The following TEX9 variants were observed in gnomAD, a reference collection of about 807,000 sequenced individuals.
The protein encoded by TEX9 is testis-expressed protein 9.
In TEX9, 74 loss-of-function variants were observed where a neutral mutation model predicts 59.6. The ratio of observed to expected loss-of-function variants is 1.24; its 90% CI spans 1.03 to 1.51. The LOEUF (loss-of-function observed/expected upper bound fraction) is 1.51. TEX9 is among the 40% of genes most tolerant of loss of function. The pLI is 0.00. For synonymous variants in TEX9, 186 were observed against 152.2 expected, an observed-to-expected ratio of 1.22 and a Z score of -1.64; for missense variants, 522 against 447.8, an observed-to-expected ratio of 1.17 and a Z score of -1.49.
chr15:56,251,537 A>G (rs2044017561), intron 1 of TEX9, among the ~76,000 whole-genome samples: 1 of 152,202 alleles, frequency 6.6e-6, no homozygotes, highest in East Asian at 1.9e-4. Context: ...GAGAGTATGA[A>G]TATGATAAGG....
At chr15:56,301,838 G>T (rs2045366526) in intron 1 of TEX9, among the ~76,000 whole-genome samples, 1 of 152,110 alleles carries the variant, frequency 6.6e-6, no homozygotes, top group Non-Finnish European at 1.5e-5. Flanking sequence ...TGAGCAATAA[G>T]AAATCATTAA....
intron 1 of TEX9, among the ~76,000 whole-genome samples, chr15:56,300,323 C>T (rs1224320651): frequency 6.6e-6 from 1 of 151,818 alleles, no homozygotes; most frequent in African/African-American, 2.4e-5. Flanking sequence ...TGTTTTGTGG[C>T]TTGGGTGCCA....
At chr15:56,320,768 T>C (rs539451032) in intron 1 of TEX9, among the ~76,000 whole-genome samples, 1 of 152,204 alleles carries the variant, frequency 6.6e-6, no homozygotes, top group Non-Finnish European at 1.5e-5. Context: ...GCTATGATAA[T>C]TACACCTTAT....
intron 1 of TEX9, among the ~76,000 whole-genome samples, chr15:56,355,932 TATAGA>T (rs1391034619): frequency 1.3e-5 from 2 of 152,102 alleles, no homozygotes; most frequent in Non-Finnish European, 2.9e-5. Flanking sequence ...ACTATAATTT[TATAGA>T]ATAGAATTTT....
chr15:56,383,845 A>G (rs2047843108), intron 3 of TEX9, 107 bp from the exon 4 acceptor site: 2 of 758,960 alleles, frequency 2.6e-6, no homozygotes, highest in Non-Finnish European at 4.2e-6. Context: ...TGTTATGGAA[A>G]CCTTGGACAA....
At chr15:56,274,950 T>C (rs1596059275) in intron 1 of TEX9, among the ~76,000 whole-genome samples, 1 of 152,208 alleles carries the variant, frequency 6.6e-6, no homozygotes, top group East Asian at 1.9e-4. Flanking sequence ...CCTGTGTTCC[T>C]GAGTTTCAGA....
chr15:56,299,778 G>A (rs775477294), intron 1 of TEX9, among the ~76,000 whole-genome samples: 48 of 151,984 alleles, frequency 3.2e-4, no homozygotes, highest in Non-Finnish European at 6.2e-4. Context: ...TTCTAGACAC[G>A]CCCTGAGCCA....
chr15:56,249,646 A>C (rs2043963672), intron 1 of TEX9, among the ~76,000 whole-genome samples: 1 of 148,224 alleles, frequency 6.7e-6, no homozygotes, highest in Non-Finnish European at 1.5e-5. Flanking sequence ...GCTGAGGCTA[A>C]GGCAGAGAAT....
chr15:56,273,128 A>G (rs1364941787), intron 1 of TEX9, among the ~76,000 whole-genome samples: 1 of 151,802 alleles, frequency 6.6e-6, no homozygotes, highest in Non-Finnish European at 1.5e-5. Context: ...TAATTTTTGC[A>G]TTTTTAAGTA....
intron 7 of TEX9, among the ~76,000 whole-genome samples, chr15:56,392,765 C>T (rs1291358309): frequency 5.9e-5 from 9 of 151,982 alleles, no homozygotes; most frequent in African/African-American, 1.9e-4. Context: ...AGTAAGTTGC[C>T]TTTAGGTCTC....
chr15:56,251,470 A>G (rs1055136663), intron 1 of TEX9, among the ~76,000 whole-genome samples: 1 of 152,170 alleles, frequency 6.6e-6, no homozygotes. Context: ...CTGACTCAAT[A>G]AAACCTTTGC....
At chr15:56,351,683 A>G (rs1357210443) in intron 1 of TEX9, among the ~76,000 whole-genome samples, 2 of 152,224 alleles carry the variant, frequency 1.3e-5, no homozygotes, top group East Asian at 1.9e-4. Context: ...GTCATGAATA[A>G]TCAGACTTAG....
At chr15:56,365,373 G>T, upstream of TEX9, 1 of 1,547,464 alleles carries the variant, frequency 6.5e-7, no homozygotes, top group Non-Finnish European at 8.7e-7. Flanking sequence ...AGGCGCCCGG[G>T]CGGGAGGCAA....
At position 56,389,044 on chromosome 15, in the gene TEX9, G is replaced by A. The variant is rs1163924155; in HGVS notation, c.313-274G>A. ...AGAACTAAATTCTGTGAGTCAGAAC[G>A]TCCAGATTTATTCATGACATTCCAC... On this transcript the variant is annotated intron_variant, in intron 5 of 12. Transcript: ENST00000352903. Among the ~76,000 whole-genome samples, 5 of 151,954 alleles carry A rather than the reference G, an allele frequency of 3.3e-5. No homozygotes were observed. The East Asian group carries it at 5.8e-4, about 18-fold the overall frequency.
chr15:56,329,001 T>C (rs2713912), intron 1 of TEX9, among the ~76,000 whole-genome samples: 152,216 of 152,314 alleles, frequency 1, 76,059 homozygotes, highest in Non-Finnish European at 1. Flanking sequence ...GGCTTCAGGT[T>C]TGACCCAGAG....
chr15:56,458,060 C>G, the TEX9 span, among the ~76,000 whole-genome samples: 1 of 152,054 alleles, frequency 6.6e-6, no homozygotes, highest in African/African-American at 2.4e-5. Context: ...AGAATGCAAG[C>G]AAAACTTGGA....
At chr15:56,289,776 T>C (rs1164082840) in intron 1 of TEX9, among the ~76,000 whole-genome samples, 1 of 152,150 alleles carries the variant, frequency 6.6e-6, no homozygotes, top group African/African-American at 2.4e-5. Context: ...ATGCGTGGAC[T>C]ACAGCTCTGG....
intron 4 of TEX9, among the ~76,000 whole-genome samples, chr15:56,384,979 T>G (rs1010116552): frequency 6.6e-6 from 1 of 152,208 alleles, no homozygotes. Context: ...AAGAGCTTTA[T>G]GGTTTTAACT....
At chr15:56,449,896 T>C (rs1192808328), downstream of TEX9, among the ~76,000 whole-genome samples, 1 of 152,234 alleles carries the variant, frequency 6.6e-6, no homozygotes, top group African/African-American at 2.4e-5. Context: ...TACAGTGATA[T>C]CACATTATCC....
Sources: gnomAD v4.1 joint callset for allele counts (sites outside exome capture counted in the v4.1 genomes callset) on GRCh38, gnomAD v4.1.1 for gene constraint, MANE v1.5 for transcripts, NCBI Gene and HGNC (gene_info 2026-07-23, HGNC 2026-07-21) for gene names.